The following ESAM variants were observed in gnomAD, a reference collection of about 807,000 sequenced individuals.
ESAM encodes endothelial cell-selective adhesion molecule.
In ESAM, 23 loss-of-function variants were observed where a neutral mutation model predicts 31.8. The observed-to-expected ratio is 0.72, with a 90% CI of 0.52 to 1.03. The LOEUF (loss-of-function observed/expected upper bound fraction) is 1.03. Ranked by LOEUF, ESAM falls within the 50% of genes least tolerant of loss-of-function variation. The pLI, the probability that ESAM is intolerant of heterozygous loss-of-function variation, is 0.00. For synonymous variants in ESAM, 216 were observed against 207.2 expected, an observed-to-expected ratio of 1.04 and a Z score of -0.37; for missense variants, 478 against 488.9, an observed-to-expected ratio of 0.98 and a Z score of 0.21.
chr11:124,758,212 G>A, intron 2 of ESAM, 137 bp downstream of exon 2: 3 of 962,584 alleles, frequency 3.1e-6, no homozygotes, highest in South Asian at 3.2e-5. Context: ...AACTGAACTG[G>A]TGAAGACTTC....
intron 1 of ESAM, 131 bp downstream of exon 1, chr11:124,761,954 G>T: frequency 2.5e-6 from 2 of 800,256 alleles, no homozygotes; most frequent in South Asian, 1.5e-5. Flanking sequence ...GCCCTGGAGT[G>T]GGATTAGGAG....
intron 2 of ESAM, 93 bp from the exon 3 acceptor site, chr11:124,756,835 C>T: frequency 7.5e-7 from 1 of 1,332,438 alleles, no homozygotes; most frequent in Non-Finnish European, 1.1e-6. Context: ...TCGCATTCTC[C>T]AAATGCCCCT....
intron 2 of ESAM, 75 bp downstream of exon 2, chr11:124,758,274 C>T (rs1944180076): frequency 4.4e-6 from 7 of 1,579,156 alleles, no homozygotes; most frequent in South Asian, 2.2e-5. Flanking sequence ...CCACCCCTCC[C>T]ACCGCTACCA....
In ESAM at chr11:124,754,504, A is replaced by G. The variant is rs1944131734; in HGVS notation, c.730+137T>C. On this transcript the variant is annotated intron_variant, in intron 5 of 6. Coordinates refer to ENST00000278927, the MANE Select transcript of ESAM (RefSeq NM_138961.3). This position sits in a 1 kb window ranked among gnomAD's most constrained non-coding sequence, Gnocchi z 4.5. ...GGAAATGACCAGTCACTGACCAACC[A>G]TTTGTACAAACATTTGATCAGGGGA... 6.7e-7 allele frequency: 1 copy of G among 1,502,656 alleles called. No individual in the cohort carries two copies. The highest frequency in any genetic ancestry group is 8.9e-7 in the Non-Finnish European group (1 of 1,117,782). 93.1% of individuals were successfully genotyped at this position (1,502,656 alleles called of 1,614,324 possible).
Position 124,756,312 on chromosome 11 carries a change from C to T in ESAM, c.502G>A (p.Ala168Thr), listed in dbSNP as rs1159473375. 3 of 1,612,388 alleles carry T rather than the reference C, an allele frequency of 1.9e-6. No individual in the cohort carries two copies. The highest frequency in any genetic ancestry group is 1.1e-5 in the South Asian group (1 of 90,754). The change falls in exon 4 of 7, where the codon GCA becomes ACA. Residue 168 changes from alanine (A) to threonine (T), a missense_variant. Ala to Thr is a moderately conservative substitution (Grantham distance 58). Transcript: ENST00000278927. ...GACTGGCAGCTCAGGGTCACGTTTG[C>T]CCCCACATGGGGCACACCCTGGAGA... ...CRLQGVPHVG[A>T]NVTLSCQSPR... is the part of the protein sequence containing the mutation.
chr11:124,753,512 A>G lies in ESAM; in HGVS notation c.*134T>C, dbSNP rs2134456113. The G allele has an allele frequency of 2.2e-6, 2 of 925,722 alleles. No individual in the cohort carries two copies. Among genetic ancestry groups the G allele is most frequent in the South Asian group, 1.7e-5 (1 of 58,234 alleles). The allele number at this position is 925,722 out of a possible 1,614,324, so 57.3% of individuals were successfully genotyped here. A position where few individuals can be genotyped will look rare whatever the true frequency, so the allele number is the denominator to read the frequency against. ...GGTCTTACTGAGATGGTTTTCCCAC[A>G]GTAAAGAGAGGTGGGGGCAGAGTAC... is the stretch of plus-strand genomic sequence containing the variant. On this transcript the variant is annotated 3_prime_UTR_variant, in exon 7 of 7. Transcript: ENST00000278927.
rs995032858 is a variant in ESAM, at chr11:124,759,462, G to C, written c.71-935C>G. 6.6e-6 allele frequency: 1 copy of C among 152,352 alleles called. No homozygotes were observed. Among genetic ancestry groups the C allele is most frequent in the Non-Finnish European group, 1.5e-5 (1 of 68,134 alleles). The allele number at this position is 152,352 out of a possible 1,614,324, so 9.4% of individuals were successfully genotyped here. ...TGGGCTTGCACACGGCCAGGCCTGAGGATGATCGCCGCTCCAGTCCCGGGC... is the reference window on the plus strand; with the variant it reads ...TGGGCTTGCACACGGCCAGGCCTGACGATGATCGCCGCTCCAGTCCCGGGC... On this transcript the variant is annotated intron_variant, in intron 1 of 6. Coordinates refer to ENST00000278927, the MANE Select transcript of ESAM (RefSeq NM_138961.3). The surrounding 1 kb of genome is among the most constrained non-coding windows in gnomAD (Gnocchi z 6.8).
At position 124,753,456 on chromosome 11, in the gene ESAM, TC is replaced by T. The variant is rs1027800748; in HGVS notation, c.*189del. The T allele has an allele frequency of 4.1e-5, 26 of 636,822 alleles. No individual in the cohort carries two copies. Among genetic ancestry groups the T allele is most frequent in the Non-Finnish European group, 6.5e-5 (25 of 381,860 alleles). The allele number at this position is 636,822 out of a possible 1,614,324, so 39.4% of individuals were successfully genotyped here. On this transcript the variant is annotated 3_prime_UTR_variant, in exon 7 of 7. Transcript: ENST00000278927. ...GGCTCCTCCCAATTCCAGATCCACT[TC>T]CTCTTCTCCTTCTGTCTCCTGGACA...
In ESAM at chr11:124,754,028, C is replaced by A; in HGVS notation, c.858-67G>T. ...GGAAGGAGGAGAGAGTTTCTACCTG[C>A]TTGGTCTTATATACCACCTCTGCCT... On this transcript the variant is annotated intron_variant, in intron 6 of 6. Transcript: ENST00000278927. This position sits in a 1 kb window ranked among gnomAD's most constrained non-coding sequence, Gnocchi z 4.5. 6.3e-7 allele frequency: 1 copy of A among 1,584,340 alleles called. No homozygotes were observed.
At position 124,758,410 on chromosome 11, in the gene ESAM, G is replaced by C; in HGVS notation, c.188C>G (p.Ser63Cys). ...WYTLHGEVSS[S>C]QPWEVPFVMW... ...CACAAAGGGCACCTCCCATGGCTGG[G>C]ATGAAGACACCTCCCCGTGCAAGGT... Residue 63 changes from serine (S) to cysteine (C), a missense_variant, in exon 2 of 7, where the codon TCC (serine) becomes TGC (cysteine). Transcript: ENST00000278927. 1 of 1,614,146 alleles carries C rather than the reference G, an allele frequency of 6.2e-7. No individual in the cohort carries two copies. Among genetic ancestry groups the C allele is most frequent in the East Asian group, 2.2e-5 (1 of 44,864 alleles).
chr11:124,753,456 T>C lies in ESAM; in HGVS notation c.*190A>G. ...GGCTCCTCCCAATTCCAGATCCACT[T>C]CCTCTTCTCCTTCTGTCTCCTGGAC... is the stretch of plus-strand genomic sequence containing the variant. On this transcript the variant is annotated 3_prime_UTR_variant, in exon 7 of 7. Transcript: ENST00000278927. The C allele has an allele frequency of 1.6e-6, 1 of 636,940 alleles. No individual in the cohort carries two copies. Among genetic ancestry groups the C allele is most frequent in the South Asian group, 2.1e-5 (1 of 47,430 alleles). 39.5% of individuals were successfully genotyped at this position (636,940 alleles called of 1,614,324 possible).
rs1380248681 is a variant in ESAM, at chr11:124,754,820, A to C, written c.608-57T>G. On this transcript the variant is annotated intron_variant, in intron 4 of 6. Coordinates refer to ENST00000278927, the MANE Select transcript of ESAM (RefSeq NM_138961.3). The surrounding 1 kb of genome is among the most constrained non-coding windows in gnomAD (Gnocchi z 4.5). ...ACCCTCTTTCCCATTAAAAAAAAAA[A>C]AAAATCTTGTCCCTCCTCTGGAATG... The C allele has an allele frequency of 1.3e-6, 2 of 1,536,670 alleles. No individual in the cohort carries two copies. The highest frequency in any genetic ancestry group is 2.8e-5 in the African/African-American group (2 of 71,782).
Position 124,758,391 on chromosome 11 carries a change from G to A in ESAM, c.207C>T (p.Pro69=), listed in dbSNP as rs1200048785. 21 of 1,614,008 alleles carry A rather than the reference G, an allele frequency of 1.3e-5. No individual in the cohort carries two copies. The highest frequency in any genetic ancestry group is 1.8e-5 in the Non-Finnish European group (21 of 1,180,030). ...EVSSSQPWEV[P]FVMWFFKQKE... is the part of the protein sequence containing the mutation. ...TCTGTTTGAAGAACCACATCACAAA[G>A]GGCACCTCCCATGGCTGGGATGAAG... The change falls in exon 2 of 7, where the codon CCC becomes CCT. Residue 69 remains proline (P), a synonymous_variant. Coordinates refer to ENST00000278927, the MANE Select transcript of ESAM (RefSeq NM_138961.3).
Position 124,754,418 on chromosome 11 carries a change from C to T in ESAM, c.731-78G>A. 10 of 1,556,244 alleles carry T rather than the reference C, an allele frequency of 6.4e-6. No individual in the cohort carries two copies. In the South Asian group the frequency reaches 1.2e-4, roughly 19 times the overall value. On this transcript the variant is annotated intron_variant, in intron 5 of 6. Coordinates refer to ENST00000278927, the MANE Select transcript of ESAM (RefSeq NM_138961.3). The surrounding 1 kb of genome is among the most constrained non-coding windows in gnomAD (Gnocchi z 4.5). ...CTCTCCAATCCCACTCTCCCCACCC[C>T]ATCTGCCACCATACACATTCCCTCT... is the stretch of plus-strand genomic sequence containing the variant.
chr11:124,760,953 T>A (rs897586417), intron 1 of ESAM, among the ~76,000 whole-genome samples: 8 of 152,214 alleles, frequency 5.3e-5, no homozygotes, highest in African/African-American at 1.7e-4. Flanking sequence ...AGGCTACTTG[T>A]GGCCTTGGTG....
chr11:124,760,813 C>T (rs1373662802), intron 1 of ESAM, among the ~76,000 whole-genome samples: 1 of 151,194 alleles, frequency 6.6e-6, no homozygotes, highest in Non-Finnish European at 1.5e-5. Flanking sequence ...CCAGCCCCCA[C>T]CCCCCACAAG....
chr11:124,756,794 C>A, intron 2 of ESAM, 52 bp from the exon 3 acceptor site: 2 of 1,544,512 alleles, frequency 1.3e-6, no homozygotes, highest in East Asian at 2.4e-5. Flanking sequence ...TCTACTGTGC[C>A]TACAGGCTCA....
At chr11:124,755,566 A>G (rs1365075588) in intron 4 of ESAM, among the ~76,000 whole-genome samples, 1 of 152,228 alleles carries the variant, frequency 6.6e-6, no homozygotes, top group East Asian at 1.9e-4. Context: ...AGCTACTATT[A>G]TAAAAATGGT....
chr11:124,761,837 G>A (rs753377763), intron 1 of ESAM, among the ~76,000 whole-genome samples: 9 of 151,826 alleles, frequency 5.9e-5, no homozygotes, highest in Non-Finnish European at 1.0e-4. Context: ...CACCCCAGAG[G>A]TATCCAGGTC....
Sources: gnomAD v4.1 joint callset for allele counts (sites outside exome capture counted in the v4.1 genomes callset) on GRCh38, gnomAD v4.1.1 for gene constraint, Gnocchi (gnomAD v3.1) non-coding constraint, MANE v1.5 for transcripts, NCBI Gene and HGNC (gene_info 2026-07-23, HGNC 2026-07-21) for gene names.